LNX2: variants seen among roughly 807,000 people sequenced by gnomAD.
LNX2 encodes ligand of Numb protein X 2.
Under a neutral mutation model 66.2 loss-of-function variants are expected in LNX2, and 35 were observed. That is an observed-to-expected ratio of 0.53 (90% CI 0.40 to 0.70). The LOEUF (loss-of-function observed/expected upper bound fraction) is 0.70, where lower values mean the gene tolerates loss of function less well. Among genes scored for constraint, LNX2 ranks in the 30% least tolerant of loss-of-function variants. The pLI is 0.00. For missense variants in LNX2, 791 were observed against 850.8 expected, an observed-to-expected ratio of 0.93 and a Z score of 0.87; for synonymous variants, 337 against 315.6, an observed-to-expected ratio of 1.07 and a Z score of -0.72.
chr13:27,553,190 C>A lies in LNX2; in HGVS notation c.1778+18G>T, dbSNP rs769690827. The A allele has an allele frequency of 3.1e-6, 5 of 1,602,216 alleles. No individual in the cohort carries two copies. The East Asian group carries it at 1.1e-4, about 36-fold the overall frequency. On this transcript the variant is annotated intron_variant, in intron 8 of 9. Coordinates refer to ENST00000316334, the MANE Select transcript of LNX2 (RefSeq NM_153371.4). ...CATGATTATGATTTCCATAAAGCAA[C>A]AAGAAAGCGCTCAGTACCTGGGAAG...
chr13:27,559,265 T>C (rs1955099538), intron 6 of LNX2, among the ~76,000 whole-genome samples: 1 of 152,134 alleles, frequency 6.6e-6, no homozygotes, highest in South Asian at 2.1e-4. Flanking sequence ...GCTTAACATA[T>C]GGAAATTTTA....
At chr13:27,555,767 A>G (rs759446892) in intron 7 of LNX2, among the ~76,000 whole-genome samples, 30 of 152,216 alleles carry the variant, frequency 2.0e-4, no homozygotes, top group Non-Finnish European at 1.0e-4. Context: ...CCATGGCAAT[A>G]GTGGCTAGCT....
chr13:27,583,251 T>TGCGCGC lies in LNX2; in HGVS notation c.-100-1449_-100-1448insGCGCGC, dbSNP rs1955437624. Reference sequence around the variant, plus strand: ...GTGTGTGTGTGTGTGTGTGTGTGTGTGTGTGCGCGCGTCCTCTCCAACATA... The same window carrying TGCGCGC: ...GTGTGTGTGTGTGTGTGTGTGTGTGTGCGCGCGTGTGCGCGCGTCCTCTCCAACATA... On this transcript the variant is annotated intron_variant, in intron 1 of 9. Coordinates refer to ENST00000316334, the MANE Select transcript of LNX2 (RefSeq NM_153371.4). Among the ~76,000 whole-genome samples the TGCGCGC allele has an allele frequency of 4.3e-5, 2 of 46,616 alleles. 1 individual carries two copies. 30.6% of individuals were successfully genotyped at this position (46,616 alleles called of 152,430 possible).
rs746491980 is a variant in LNX2 at position 27,556,402 on chromosome 13, C to CT, written c.1379dup (p.Cys461ValfsTer17). ...TGTGTTTTTCTTGGCATGTAACACA[C>CT]TGAGTAAGATCCTAAAACATACAAG... On this transcript the variant is annotated frameshift_variant, in exon 7 of 10. Coordinates refer to ENST00000316334, the MANE Select transcript of LNX2 (RefSeq NM_153371.4). LOFTEE classifies it high-confidence loss of function. 6 of 1,613,544 alleles carry CT rather than the reference C, an allele frequency of 3.7e-6. No individual in the cohort carries two copies. The highest frequency in any genetic ancestry group is 5.1e-6 in the Non-Finnish European group (6 of 1,179,732).
At chr13:27,550,619 T>TA (rs1954996699) in intron 8 of LNX2, 128 bp from the exon 9 acceptor site, 2 of 662,150 alleles carry the variant, frequency 3.0e-6, no homozygotes, top group Non-Finnish European at 5.0e-6. Flanking sequence ...TATTAATAAA[T>TA]AGATTATTTT....
Position 27,567,855 on chromosome 13 carries a change from T to C in LNX2, c.656-16A>G, listed in dbSNP as rs1955226087. ...TGTTGTGTGGCTGCCAAGTTAAAAA[T>C]GAGACAGACAAAAACAGATGTTAAA... On this transcript the variant is annotated splice_polypyrimidine_tract_variant and intron_variant, in intron 3 of 9. Transcript: ENST00000316334. The C allele has an allele frequency of 1.9e-6, 3 of 1,606,838 alleles. No individual in the cohort carries two copies. Among genetic ancestry groups the C allele is most frequent in the Non-Finnish European group, 2.6e-6 (3 of 1,173,580 alleles).
At chr13:27,604,507 T>G (rs1310528109) in intron 1 of LNX2, among the ~76,000 whole-genome samples, 5 of 152,212 alleles carry the variant, frequency 3.3e-5, no homozygotes, top group African/African-American at 1.2e-4. Flanking sequence ...TAAGTTTCAC[T>G]GCAGATTAGA....
At chr13:27,614,576 C>T (rs1345649011) in intron 1 of LNX2, among the ~76,000 whole-genome samples, 1 of 152,142 alleles carries the variant, frequency 6.6e-6, no homozygotes, top group East Asian at 1.9e-4. Context: ...GTCTTCTGTT[C>T]CGCAAGATCT....
chr13:27,566,256 C>T (rs1955204629), intron 4 of LNX2, among the ~76,000 whole-genome samples: 1 of 152,166 alleles, frequency 6.6e-6, no homozygotes, highest in Non-Finnish European at 1.5e-5. Flanking sequence ...TGAAGGTGAA[C>T]AAACTGGCTC....
intron 2 of LNX2, among the ~76,000 whole-genome samples, chr13:27,571,482 C>G (rs1242280481): frequency 6.6e-6 from 1 of 152,008 alleles, no homozygotes; most frequent in East Asian, 1.9e-4. Context: ...CACTCAAAAC[C>G]GTGTATCGGG....
At chr13:27,551,111 ATCTTTT>A (rs1393126338) in intron 8 of LNX2, among the ~76,000 whole-genome samples, 1 of 152,150 alleles carries the variant, frequency 6.6e-6, no homozygotes, top group Non-Finnish European at 1.5e-5. Context: ...CTAACAAAAA[ATCTTTT>A]TCTTTTTTTT....
At chr13:27,557,301 G>C (rs1955074140) in intron 6 of LNX2, among the ~76,000 whole-genome samples, 2 of 152,074 alleles carry the variant, frequency 1.3e-5, no homozygotes, top group African/African-American at 4.8e-5. Flanking sequence ...AACAAACTTA[G>C]GGAGGTCATG....
chr13:27,551,516 T>C (rs7984011), intron 8 of LNX2, among the ~76,000 whole-genome samples: 5,882 of 151,848 alleles, frequency 0.039, 136 homozygotes, highest in East Asian at 0.092. Flanking sequence ...AAAAAAAAAC[T>C]CTTCATAATA....
At chr13:27,562,907 T>C (rs1380086837) in intron 4 of LNX2, 126 bp from the exon 5 acceptor site, 9 of 919,338 alleles carry the variant, frequency 9.8e-6, no homozygotes, top group African/African-American at 1.7e-5. Flanking sequence ...GAGAATGCTA[T>C]ACAATCATTA....
chr13:27,600,054 T>C (rs968879353), intron 1 of LNX2, among the ~76,000 whole-genome samples: 8 of 152,184 alleles, frequency 5.3e-5, no homozygotes, highest in African/African-American at 1.9e-4. Context: ...ACATCAGTTA[T>C]GTACCAGAAA....
At chr13:27,614,210 C>A (rs1955803275) in intron 1 of LNX2, among the ~76,000 whole-genome samples, 1 of 152,222 alleles carries the variant, frequency 6.6e-6, no homozygotes, top group African/African-American at 2.4e-5. Flanking sequence ...AACAGAGGAA[C>A]CTGAATTCAG....
chr13:27,616,467 C>T (rs1955828370), intron 1 of LNX2, among the ~76,000 whole-genome samples: 3 of 152,206 alleles, frequency 2.0e-5, no homozygotes, highest in Admixed American at 6.5e-5. Flanking sequence ...ACTTCCCACT[C>T]ATGGCCTGAA....
In LNX2 at chr13:27,577,484, G is replaced by C. The variant is rs565078327; in HGVS notation, c.407+3813C>G. Among the ~76,000 whole-genome samples the C allele has an allele frequency of 2.0e-5, 3 of 151,916 alleles. No individual in the cohort carries two copies. The South Asian group carries it at 6.2e-4, about 32-fold the overall frequency. ...ATCTTTTGGCTTCCCTGGGCCACACGGGAAGAAGAATAATTGTCTTGGTCC... is the reference window on the plus strand; with the variant it reads ...ATCTTTTGGCTTCCCTGGGCCACACCGGAAGAAGAATAATTGTCTTGGTCC... On this transcript the variant is annotated intron_variant, in intron 2 of 9. Coordinates refer to ENST00000316334, the MANE Select transcript of LNX2 (RefSeq NM_153371.4).
At chr13:27,617,666 C>T (rs1354796952) in intron 1 of LNX2, among the ~76,000 whole-genome samples, 3 of 152,198 alleles carry the variant, frequency 2.0e-5, no homozygotes, top group Admixed American at 6.5e-5. Flanking sequence ...CTAAATCTCT[C>T]ATAAAGCTTA....
Sources: gnomAD v4.1 joint callset for allele counts (sites outside exome capture counted in the v4.1 genomes callset) on GRCh38, gnomAD v4.1.1 for gene constraint, MANE v1.5 for transcripts, NCBI Gene and HGNC (gene_info 2026-07-23, HGNC 2026-07-21) for gene names.